The following DRC4 variants were observed in gnomAD, a reference collection of about 807,000 sequenced individuals.
The protein encoded by DRC4 is GAS-11.
At chr16:90,025,397 A>G in the DRC4 span, among the ~76,000 whole-genome samples, 2 of 150,818 alleles carry the variant, frequency 1.3e-5, no homozygotes, top group Non-Finnish European at 3.0e-5. Flanking sequence ...CACGCCTGTA[A>G]TCCCAGCACT....
the DRC4 span, chr16:90,040,034 C>A: frequency 2.0e-6 from 1 of 507,284 alleles, no homozygotes; most frequent in Non-Finnish European, 3.6e-6. Flanking sequence ...TCAGCTCTTA[C>A]CAGGACACTT....
chr16:90,020,758 C>T, the DRC4 span: 1 of 152,182 alleles, frequency 6.6e-6, no homozygotes, highest in Non-Finnish European at 1.5e-5. Flanking sequence ...AAATGAGTAC[C>T]CTGTCTAGGC....
At chr16:90,024,651 C>G in the DRC4 span, among the ~76,000 whole-genome samples, 5 of 152,068 alleles carry the variant, frequency 3.3e-5, no homozygotes, top group African/African-American at 1.2e-4. Flanking sequence ...AGGACTCCAG[C>G]TCTTTCTCTT....
the DRC4 span, among the ~76,000 whole-genome samples, chr16:90,027,232 C>CCTG: frequency 1.3e-5 from 2 of 151,772 alleles, no homozygotes; most frequent in Non-Finnish European, 2.9e-5. Flanking sequence ...ACTACAGGCG[C>CCTG]CCACCGGCAC....
the DRC4 span, chr16:90,019,727 C>T: frequency 3.1e-6 from 2 of 654,040 alleles, no homozygotes; most frequent in Non-Finnish European, 2.7e-6. The surrounding 1 kb of genome is among the most constrained non-coding windows in gnomAD (Gnocchi z 6.1). Context: ...TGCGCACTCA[C>T]TTGGCGGCCG....
At chr16:90,037,928 C>T in the DRC4 span, 3 of 1,308,726 alleles carry the variant, frequency 2.3e-6, no homozygotes, top group Non-Finnish European at 3.3e-6. Flanking sequence ...GGTGAGCGGG[C>T]ACTAGGCTGG....
the DRC4 span, among the ~76,000 whole-genome samples, chr16:90,023,008 C>G: frequency 6.6e-6 from 1 of 152,110 alleles, no homozygotes; most frequent in Non-Finnish European, 1.5e-5. Flanking sequence ...GGCGCACGGT[C>G]CCCAGAAGAG....
chr16:90,040,479 A>G, the DRC4 span: 3 of 1,607,382 alleles, frequency 1.9e-6, no homozygotes, highest in Non-Finnish European at 2.5e-6. Flanking sequence ...TGGACCCTGC[A>G]GCCCTGACGC....
chr16:90,034,838 C>G, the DRC4 span, among the ~76,000 whole-genome samples: 1 of 148,926 alleles, frequency 6.7e-6, no homozygotes, highest in Admixed American at 6.7e-5. Flanking sequence ...ATCCTTCTGC[C>G]TTAGCCTCCC....
chr16:90,025,255 G>A, the DRC4 span, among the ~76,000 whole-genome samples: 1 of 150,696 alleles, frequency 6.6e-6, no homozygotes, highest in African/African-American at 2.4e-5. Flanking sequence ...CTGACCTCAA[G>A]TGATCCGCCC....
the DRC4 span, chr16:90,029,249 C>A: frequency 1.6e-6 from 2 of 1,253,022 alleles, no homozygotes; most frequent in South Asian, 3.1e-5. Context: ...GCACGTTGAG[C>A]CACAGACTCA....
the DRC4 span, chr16:90,037,441 T>G: frequency 6.3e-7 from 1 of 1,575,676 alleles, no homozygotes; most frequent in Non-Finnish European, 8.6e-7. Context: ...TGGCATGAGC[T>G]TGCCTAGGCT....
At chr16:90,026,135 G>A in the DRC4 span, among the ~76,000 whole-genome samples, 1 of 149,980 alleles carries the variant, frequency 6.7e-6, no homozygotes, top group African/African-American at 2.4e-5. Context: ...AAAGGTTACC[G>A]AGACATGTAG....
the DRC4 span, chr16:90,031,313 C>T: frequency 6.1e-5 from 99 of 1,612,808 alleles, 3 homozygotes; most frequent in South Asian, 1.0e-3. Context: ...AGGAGCATGT[C>T]AGCCGCATCC....
the DRC4 span, chr16:90,019,943 C>T: frequency 3.2e-5 from 5 of 157,928 alleles, no homozygotes; most frequent in Non-Finnish European, 6.3e-5. The surrounding 1 kb of genome is among the most constrained non-coding windows in gnomAD (Gnocchi z 6.1). Flanking sequence ...CTGGAAGGGG[C>T]GGGATGGGGG....
chr16:90,032,661 C>A, the DRC4 span: 1 of 1,538,954 alleles, frequency 6.5e-7, no homozygotes, highest in Non-Finnish European at 9.0e-7. Context: ...TGCACAGGTA[C>A]GGAAAGGTGA....
the DRC4 span, among the ~76,000 whole-genome samples, chr16:90,030,087 G>A: frequency 2.0e-4 from 31 of 152,094 alleles, no homozygotes; most frequent in African/African-American, 7.0e-4. Context: ...ATGAGCTCCC[G>A]AGAAAGCTGG....
chr16:90,044,309 G>T, the DRC4 span: 1 of 426,702 alleles, frequency 2.3e-6, no homozygotes, highest in Non-Finnish European at 4.7e-6. Flanking sequence ...GTGAGTGACG[G>T]GTGTGTCCTC....
chr16:90,040,575 C>G, the DRC4 span: 1 of 1,378,536 alleles, frequency 7.3e-7, no homozygotes, highest in Non-Finnish European at 9.8e-7. Context: ...GTCTTCAGTT[C>G]TGTGCTGCTC....
Sources: allele counts gnomAD v4.1 joint callset (sites outside exome capture counted in the v4.1 genomes callset), GRCh38; gene constraint gnomAD v4.1.1; non-coding constraint Gnocchi (gnomAD v3.1); transcripts MANE v1.5; gene names NCBI Gene and HGNC (gene_info 2026-07-23, HGNC 2026-07-21).